The following NTF3 variants were observed in gnomAD, a reference collection of about 807,000 sequenced individuals.
NTF3 encodes the protein neurotrophin-3.
A neutral mutation model predicts 26.3 loss-of-function variants in NTF3; 8 were observed. The observed-to-expected ratio is 0.30, with a 90% CI of 0.18 to 0.55. The LOEUF is 0.55. Ranked by LOEUF, NTF3 falls within the 20% of genes least tolerant of loss-of-function variation. NTF3 has a pLI of 0.93. For synonymous variants in NTF3, 154 were observed against 145.5 expected (o/e 1.06, Z -0.42); for missense variants, 276 against 352.9 (o/e 0.78, Z 1.75).
intron 1 of NTF3, among the ~76,000 whole-genome samples, chr12:5,457,474 A>AT (rs1321008339): frequency 6.6e-6 from 1 of 152,016 alleles, no homozygotes; most frequent in Non-Finnish European, 1.5e-5. Flanking sequence ...ATACCACGGC[A>AT]TCCTGGTTTT....
intron 1 of NTF3, among the ~76,000 whole-genome samples, chr12:5,483,874 T>C (rs369335478): frequency 1.3e-5 from 2 of 152,370 alleles, no homozygotes; most frequent in Non-Finnish European, 2.9e-5. Flanking sequence ...GAAAATGCTC[T>C]GATTCCTGGT....
At chr12:5,432,370 T>C (rs748440347) in intron 1 of NTF3, 28 bp downstream of exon 1, 1 of 1,602,738 alleles carries the variant, frequency 6.2e-7, no homozygotes, top group Non-Finnish European at 8.5e-7. Flanking sequence ...GCACCTTGGG[T>C]GGGCAGGTTT....
At chr12:5,467,088 G>A (rs1940599358) in intron 1 of NTF3, among the ~76,000 whole-genome samples, 1 of 152,078 alleles carries the variant, frequency 6.6e-6, no homozygotes, top group Admixed American at 6.5e-5. Flanking sequence ...AAATTAGCCA[G>A]GCGTACTGGC....
intron 1 of NTF3, among the ~76,000 whole-genome samples, chr12:5,460,512 CTT>C (rs1472193053): frequency 3.9e-5 from 6 of 152,200 alleles, no homozygotes; most frequent in African/African-American, 1.2e-4. Flanking sequence ...TCCATGGAAA[CTT>C]TGCTTTCATC....
rs766975611 is a variant in NTF3, at chr12:5,433,360, C to G, written c.18+1018C>G. ...CGGAGTTTAAAGGTCCCACGACGGA[C>G]CGAACTGTCCCATTGCCCCAGAGCT... On this transcript the variant is annotated intron_variant, in intron 1 of 1. Coordinates refer to ENST00000423158, the MANE Select transcript of NTF3 (RefSeq NM_001102654.2). The surrounding 1 kb of genome is among the most constrained non-coding windows in gnomAD (Gnocchi z 4.6). 6.6e-6 allele frequency: 1 copy of G among 152,356 alleles called. No individual in the cohort carries two copies. The highest frequency in any genetic ancestry group is 1.5e-5 in the Non-Finnish European group (1 of 68,154). 9.4% of individuals were successfully genotyped at this position (152,356 alleles called of 1,614,324 possible).
chr12:5,476,495 G>A (rs572216564), intron 1 of NTF3, among the ~76,000 whole-genome samples: 5 of 152,344 alleles, frequency 3.3e-5, no homozygotes, highest in Admixed American at 3.3e-4. Context: ...TTCATAGGCC[G>A]CGTTTCCCTG....
chr12:5,461,154 C>T (rs544699206), intron 1 of NTF3, among the ~76,000 whole-genome samples: 5 of 152,148 alleles, frequency 3.3e-5, no homozygotes, highest in Admixed American at 2.6e-4. Context: ...TCAGGATGTG[C>T]GAACCATAAT....
chr12:5,469,110 G>T (rs527704260), intron 1 of NTF3, among the ~76,000 whole-genome samples: 194 of 151,702 alleles, frequency 1.3e-3, no homozygotes, highest in African/African-American at 4.4e-3. Context: ...GACAGAGTGA[G>T]ATCCTGTCTC....
chr12:5,453,046 C>T (rs1379615900), intron 1 of NTF3, among the ~76,000 whole-genome samples: 2 of 152,188 alleles, frequency 1.3e-5, no homozygotes, highest in African/African-American at 4.8e-5. Flanking sequence ...TCAAGTTTCT[C>T]ATCTGTAAAA....
chr12:5,494,199 A>C lies in NTF3; in HGVS notation c.24A>C (p.Leu8Phe), dbSNP rs1438485003. 2 of 1,612,618 alleles carry C rather than the reference A, an allele frequency of 1.2e-6. No homozygotes were observed. Among genetic ancestry groups the C allele is most frequent in the East Asian group, 4.5e-5 (2 of 44,872 alleles). ...CACCTGTGTTTCCTTTTCAGATCTT[A>C]CAGGTGAACAAGGTGATGTCCATCT... MVTFATI[L>F]QVNKVMSILF... Residue 8 changes from leucine to phenylalanine, a missense_variant, in exon 2 of 2, where the codon TTA (leucine) becomes TTC (phenylalanine). By Grantham distance (22) the Leu-to-Phe change is conservative (BLOSUM62 0). Coordinates refer to ENST00000423158, the MANE Select transcript of NTF3 (RefSeq NM_001102654.2). This position sits in a 1 kb window ranked among gnomAD's most constrained non-coding sequence, Gnocchi z 8.3.
At chr12:5,463,378 A>G (rs1940547630) in intron 1 of NTF3, among the ~76,000 whole-genome samples, 1 of 152,198 alleles carries the variant, frequency 6.6e-6, no homozygotes, top group South Asian at 2.1e-4. Context: ...CAAATACACA[A>G]ATGACAAGGT....
intron 1 of NTF3, among the ~76,000 whole-genome samples, chr12:5,483,087 A>G (rs1340672822): frequency 9.0e-6 from 1 of 110,804 alleles, no homozygotes; most frequent in South Asian, 3.0e-4. Context: ...CTATCCCTCC[A>G]TCTCTCTCTC....
chr12:5,465,058 T>G (rs1940572488), intron 1 of NTF3, among the ~76,000 whole-genome samples: 1 of 152,174 alleles, frequency 6.6e-6, no homozygotes, highest in African/African-American at 2.4e-5. Flanking sequence ...TCAGGTGGTG[T>G]TATCTCTTTA....
intron 1 of NTF3, among the ~76,000 whole-genome samples, chr12:5,439,622 C>CT (rs1940213316): frequency 1.3e-5 from 2 of 152,218 alleles, no homozygotes; most frequent in African/African-American, 4.8e-5. Flanking sequence ...GTTCTGTTGA[C>CT]AAGGGAACCT....
chr12:5,460,955 A>C (rs2121190335), intron 1 of NTF3, among the ~76,000 whole-genome samples: 1 of 152,278 alleles, frequency 6.6e-6, no homozygotes, highest in East Asian at 1.9e-4. Flanking sequence ...TGGTGTTAGC[A>C]GTTCTTTTCC....
chr12:5,490,229 A>G (rs1281624427), intron 1 of NTF3, among the ~76,000 whole-genome samples: 1 of 152,212 alleles, frequency 6.6e-6, no homozygotes, highest in African/African-American at 2.4e-5. Context: ...GCAAAAGCCC[A>G]TGCAGGCTCT....
At chr12:5,442,817 A>C (rs1940255574) in intron 1 of NTF3, among the ~76,000 whole-genome samples, 1 of 152,210 alleles carries the variant, frequency 6.6e-6, no homozygotes, top group Non-Finnish European at 1.5e-5. Context: ...CTCTGCTGCC[A>C]CTGAGTCTTG....
In NTF3 at chr12:5,494,655, G is replaced by C. The variant is rs777139111; in HGVS notation, c.480G>C (p.Gly160=). The C allele has an allele frequency of 2.5e-6, 4 of 1,614,130 alleles. No homozygotes were observed. The highest frequency in any genetic ancestry group is 1.7e-5 in the Admixed American group (1 of 60,018). Residue 160 remains glycine (G), a synonymous_variant, in exon 2 of 2, where the codon GGG becomes GGC. Transcript: ENST00000423158. The surrounding 1 kb of genome is among the most constrained non-coding windows in gnomAD (Gnocchi z 8.3). ...KRYAEHKSHR[G]EYSVCDSESL... ...ACGCGGAGCATAAGAGTCACCGAGG[G>C]GAGTACTCGGTATGTGACAGTGAGA...
At chr12:5,431,864 G>C (rs1008218067), upstream of NTF3, among the ~76,000 whole-genome samples, 4 of 152,058 alleles carry the variant, frequency 2.6e-5, no homozygotes, top group South Asian at 8.3e-4. Flanking sequence ...CTACAGATTT[G>C]GAAGTTTTTG....
Sources: gnomAD v4.1 joint callset for allele counts (sites outside exome capture counted in the v4.1 genomes callset) on GRCh38, gnomAD v4.1.1 for gene constraint, Gnocchi (gnomAD v3.1) non-coding constraint, MANE v1.5 for transcripts, NCBI Gene and HGNC (gene_info 2026-07-23, HGNC 2026-07-21) for gene names.